Variants in RBBP8NL observed in about 807,000 individuals in gnomAD.
RBBP8NL encodes RBBP8 N-terminal-like protein.
In RBBP8NL, 59 loss-of-function variants were observed where a neutral mutation model predicts 62.2. That is an observed-to-expected ratio of 0.95 (90% CI 0.77 to 1.18). RBBP8NL has a LOEUF of 1.18. Ranked by LOEUF, RBBP8NL falls within the 50% of genes most tolerant of loss-of-function variation. The pLI is 0.00. For synonymous variants in RBBP8NL, 412 were observed against 394.1 expected, an observed-to-expected ratio of 1.05 and a Z score of -0.54; for missense variants, 896 against 899.5, an observed-to-expected ratio of 1.00 and a Z score of 0.05.
At chr20:62,426,951 G>C (rs144798274) in intron 1 of RBBP8NL, among the ~76,000 whole-genome samples, 12 of 152,216 alleles carry the variant, frequency 7.9e-5, no homozygotes, top group African/African-American at 2.7e-4. Flanking sequence ...CCTGGCCCGT[G>C]GGGGAGGGGG....
rs575652132 is a variant in RBBP8NL, at chr20:62,415,033, G to A, written c.794+88C>T. On this transcript the variant is annotated intron_variant, in intron 9 of 13. Transcript: ENST00000252998. ...AGCCAGAGAAGTTCAGGGCTGTGAG[G>A]GATAATCAGAGGGACTGCCCTGGGA... 1.2e-4 allele frequency: 159 copies of A among 1,315,196 alleles called. 1 individual carries two copies. The Admixed American group carries it at 4.8e-3, about 39-fold the overall frequency. 81.5% of individuals were successfully genotyped at this position (1,315,196 alleles called of 1,614,324 possible).
chr20:62,426,336 T>C (rs745699695), intron 1 of RBBP8NL, among the ~76,000 whole-genome samples: 31 of 152,322 alleles, frequency 2.0e-4, no homozygotes, highest in South Asian at 6.2e-4. Context: ...AAGCTCAGAG[T>C]GGTGCCCTCT....
At chr20:62,425,429 C>T (rs1454901180) in intron 1 of RBBP8NL, among the ~76,000 whole-genome samples, 3 of 152,188 alleles carry the variant, frequency 2.0e-5, no homozygotes, top group Non-Finnish European at 2.9e-5. Context: ...AATGGGCTCA[C>T]GGCATCTCTG....
At chr20:62,416,293 G>GC in intron 5 of RBBP8NL, 57 bp from the exon 6 acceptor site, 1 of 701,050 alleles carries the variant, frequency 1.4e-6, no homozygotes, top group Non-Finnish European at 2.5e-6. Flanking sequence ...AGGGGCAGGG[G>GC]TGGGGTCGTC....
chr20:62,415,746 G>T, intron 7 of RBBP8NL, 42 bp downstream of exon 7: 2 of 1,609,740 alleles, frequency 1.2e-6, no homozygotes, highest in Non-Finnish European at 8.5e-7. Context: ...CCCTGGTCCT[G>T]CGGGGGCCCA....
chr20:62,421,459 C>G (rs1988698044), intron 1 of RBBP8NL, among the ~76,000 whole-genome samples: 1 of 135,972 alleles, frequency 7.4e-6, no homozygotes, highest in Admixed American at 7.6e-5. Flanking sequence ...TGTGTGTGTG[C>G]CGTGTGTGTG....
Position 62,412,827 on chromosome 20 carries a change from C to T in RBBP8NL, c.1746+3G>A. ...CCCTGCTGAGTGTGTGGCCTGGACCCACCTCGCTGCCTGGGGTGTCTGTCT... is the reference window on the plus strand; with the variant it reads ...CCCTGCTGAGTGTGTGGCCTGGACCTACCTCGCTGCCTGGGGTGTCTGTCT... On this transcript the variant is annotated splice_donor_region_variant and intron_variant, in intron 12 of 13. Coordinates refer to ENST00000252998, the MANE Select transcript of RBBP8NL (RefSeq NM_080833.3). 1 of 1,613,444 alleles carries T rather than the reference C, an allele frequency of 6.2e-7. No homozygotes were observed. Among genetic ancestry groups the T allele is most frequent in the Non-Finnish European group, 8.5e-7 (1 of 1,180,000 alleles).
chr20:62,422,723 C>T (rs1392024233), intron 1 of RBBP8NL, among the ~76,000 whole-genome samples: 2 of 139,744 alleles, frequency 1.4e-5, no homozygotes, highest in Admixed American at 7.3e-5. Context: ...TGTCCTAACT[C>T]TTGCCGAGCC....
Position 62,413,524 on chromosome 20 carries a change from C to T in RBBP8NL, c.1552G>A (p.Gly518Arg). The T allele has an allele frequency of 6.6e-7, 1 of 1,524,420 alleles. No individual in the cohort carries two copies. Among genetic ancestry groups the T allele is most frequent in the Non-Finnish European group, 8.8e-7 (1 of 1,142,686 alleles). The allele number at this position is 1,524,420 out of a possible 1,614,324, so 94.4% of individuals were successfully genotyped here. A position where few individuals can be genotyped will look rare whatever the true frequency, so the allele number is the denominator to read the frequency against. ...TPMDPSRPLPGSQLSLSSPGS... is the reference protein window; with the variant it reads ...TPMDPSRPLPRSQLSLSSPGS... Reference sequence around the variant, plus strand: ...GGAGAGGACAGGCTGAGCTGGGACCCTGGAAGTGGGCGTGAGGGGTCCTGG... The same window carrying T: ...GGAGAGGACAGGCTGAGCTGGGACCTTGGAAGTGGGCGTGAGGGGTCCTGG... Residue 518 changes from glycine to arginine, a missense_variant, in exon 11 of 14, where the codon GGG becomes AGG. Gly to Arg is a moderately radical substitution (Grantham distance 125). Transcript: ENST00000252998.
At chr20:62,416,979 T>A in intron 4 of RBBP8NL, 107 bp from the exon 5 acceptor site, 1 of 892,758 alleles carries the variant, frequency 1.1e-6, no homozygotes, top group Non-Finnish European at 1.7e-6. Flanking sequence ...CTTTGCAAAC[T>A]ATTCCGTAGA....
At chr20:62,422,738 C>T (rs1430186523) in intron 1 of RBBP8NL, among the ~76,000 whole-genome samples, 1 of 150,922 alleles carries the variant, frequency 6.6e-6, no homozygotes, top group Admixed American at 6.6e-5. Context: ...CGAGCCCTTG[C>T]ACCTGTGATC....
intron 1 of RBBP8NL, 65 bp from the exon 2 acceptor site, chr20:62,419,795 A>G: frequency 1.3e-6 from 1 of 770,294 alleles, no homozygotes; most frequent in Non-Finnish European, 2.1e-6. Context: ...GGAGTCCAGG[A>G]GAGGATTGGG....
chr20:62,421,402 CGTGA>C (rs1176886226), intron 1 of RBBP8NL, among the ~76,000 whole-genome samples: 1 of 114,684 alleles, frequency 8.7e-6, no homozygotes, highest in African/African-American at 3.8e-5. Flanking sequence ...AGTCAGTGTG[CGTGA>C]GTGTGCGTGT....
chr20:62,417,397 G>C, intron 3 of RBBP8NL, 78 bp from the exon 4 acceptor site: 1 of 1,215,542 alleles, frequency 8.2e-7, no homozygotes, highest in Non-Finnish European at 1.2e-6. Flanking sequence ...CAGCCTGGGG[G>C]GGCAGCGCGA....
At chr20:62,415,696 G>A (rs765562243) in intron 7 of RBBP8NL, 36 bp from the exon 8 acceptor site, 10 of 1,610,602 alleles carry the variant, frequency 6.2e-6, no homozygotes, top group Non-Finnish European at 8.5e-6. Flanking sequence ...GAGCTTGGGA[G>A]GTGCTCAGAG....
intron 1 of RBBP8NL, among the ~76,000 whole-genome samples, chr20:62,421,056 C>T (rs1456117694): frequency 5.3e-5 from 2 of 37,738 alleles, no homozygotes; most frequent in Non-Finnish European, 9.1e-5. Context: ...CTGACCCTTC[C>T]CCCTCCTCCC....
intron 2 of RBBP8NL, 106 bp from the exon 3 acceptor site, chr20:62,418,571 C>T (rs1988632522): frequency 2.6e-5 from 30 of 1,146,984 alleles, no homozygotes; most frequent in Middle Eastern, 2.7e-4. Context: ...ACTCCTGTCC[C>T]CTGCACCCCC....
intron 1 of RBBP8NL, among the ~76,000 whole-genome samples, chr20:62,426,358 C>T (rs959300555): frequency 3.9e-5 from 6 of 152,370 alleles, no homozygotes; most frequent in East Asian, 3.9e-4. Context: ...CACCTTGACC[C>T]GCTTCTCCCC....
At position 62,414,439 on chromosome 20, in the gene RBBP8NL, G is replaced by T. The variant is rs1346360005; in HGVS notation, c.912C>A (p.His304Gln). The T allele has an allele frequency of 4.0e-6, 6 of 1,509,146 alleles. No homozygotes were observed. Among genetic ancestry groups the T allele is most frequent in the Non-Finnish European group, 4.4e-6 (5 of 1,124,132 alleles). The allele number at this position is 1,509,146 out of a possible 1,614,324, so 93.5% of individuals were successfully genotyped here. A position where few individuals can be genotyped will look rare whatever the true frequency, so the allele number is the denominator to read the frequency against. The stretch of plus-strand genomic sequence containing the variant: ...CTGCAGCAGGGGCCAGGGGGCTGCT[G>T]TGGGGGCTCTGAAGGTGCAGGGACA... ...RPLSLHLQSP[H>Q]SSPLAPAAAP... The change falls in exon 10 of 14, where the codon CAC becomes CAA. Residue 304 changes from histidine to glutamine, a missense_variant. Transcript: ENST00000252998.
Sources: allele counts gnomAD v4.1 joint callset (sites outside exome capture counted in the v4.1 genomes callset), GRCh38; gene constraint gnomAD v4.1.1; transcripts MANE v1.5; gene names NCBI Gene and HGNC (gene_info 2026-07-23, HGNC 2026-07-21).